The following SLK variants were observed in gnomAD, a reference collection of about 807,000 sequenced individuals.
SLK encodes STE20-like serine/threonine-protein kinase.
SLK carries 67 observed loss-of-function variants against 147.7 expected under a neutral mutation model. The ratio of observed to expected loss-of-function variants is 0.45; its 90% confidence interval spans 0.37 to 0.56. The LOEUF is 0.56. Ranked by LOEUF, SLK falls within the 20% of genes least tolerant of loss-of-function variation. The pLI is 0.00. For missense variants in SLK, 1,136 were observed against 1,438.8 expected (o/e 0.79, Z 3.41); for synonymous variants, 441 against 475.0 (o/e 0.93, Z 0.93).
chr10:103,968,311 AT>A (rs2134433824), intron 1 of SLK, among the ~76,000 whole-genome samples: 1 of 152,312 alleles, frequency 6.6e-6, no homozygotes, highest in East Asian at 1.9e-4. Flanking sequence ...AGGGTCCAGT[AT>A]ATATATTTGG....
At chr10:104,001,718 A>G in intron 8 of SLK, 146 bp downstream of exon 8, 1 of 852,272 alleles carries the variant, frequency 1.2e-6, no homozygotes, top group East Asian at 2.5e-5. Context: ...TCGTCGCTGC[A>G]CATTTTTGTT....
At chr10:104,019,349 C>T (rs1411323115) in intron 15 of SLK, among the ~76,000 whole-genome samples, 1 of 152,108 alleles carries the variant, frequency 6.6e-6, no homozygotes, top group Non-Finnish European at 1.5e-5. Flanking sequence ...AGTCATAGCT[C>T]ACTTAACCTC....
rs991880682 is a variant in SLK, at chr10:104,010,726, A to G, written c.2785-90A>G. On this transcript the variant is annotated intron_variant, in intron 12 of 18. Transcript: ENST00000369755. ...TTGAAAGGAACTTTTTAACAACTTTAATATTTGACTTGTAGCTTATCTGCT... is the reference window on the plus strand; with the variant it reads ...TTGAAAGGAACTTTTTAACAACTTTGATATTTGACTTGTAGCTTATCTGCT... 3.7e-5 allele frequency: 28 copies of G among 747,056 alleles called. No individual in the cohort carries two copies. The East Asian group carries it at 5.6e-4, about 15-fold the overall frequency. 46.3% of individuals were successfully genotyped at this position (747,056 alleles called of 1,614,324 possible).
At chr10:103,993,681 A>T (rs1844129132) in intron 4 of SLK, among the ~76,000 whole-genome samples, 1 of 152,188 alleles carries the variant, frequency 6.6e-6, no homozygotes, top group Non-Finnish European at 1.5e-5. Flanking sequence ...TGTTACCTTC[A>T]TAAGAAGAAT....
chr10:103,970,553 GT>G (rs1272632558), intron 1 of SLK, among the ~76,000 whole-genome samples: 1 of 152,152 alleles, frequency 6.6e-6, no homozygotes, highest in African/African-American at 2.4e-5. Flanking sequence ...TAGGGTATGA[GT>G]TTTTTAAAAA....
chr10:103,990,053 A>G lies in SLK; in HGVS notation c.151-622A>G, dbSNP rs75728726. Among the ~76,000 whole-genome samples, 756 of 152,352 alleles carry G rather than the reference A, an allele frequency of 5.0e-3. 3 individuals are homozygous for G. Among genetic ancestry groups the G allele is most frequent in the African/African-American group, 0.018 (728 of 41,576 alleles). ...GAAAACATTAAGGAACTGTAAATAC[A>G]TATTACTAAGTGAAAGAAGCTAAAC... On this transcript the variant is annotated intron_variant, in intron 1 of 18. Coordinates refer to ENST00000369755, the MANE Select transcript of SLK (RefSeq NM_014720.4).
Position 104,019,843 on chromosome 10 carries a change from C to T in SLK, c.3242C>T (p.Thr1081Ile). ...AAGATTCAGCGCAGTGAAGCCAAGA[C>T]TCGAATGGCCATGTTTAAGAAGAGT... is the stretch of plus-strand genomic sequence containing the variant. ...LPKIQRSEAK[T>I]RMAMFKKSLR... The change falls in exon 16 of 19, where the codon ACT becomes ATT. Residue 1081 changes from threonine (T) to isoleucine (I), a missense_variant. Thr to Ile is a moderately conservative substitution (Grantham distance 89, BLOSUM62 -1). Coordinates refer to ENST00000369755, the MANE Select transcript of SLK (RefSeq NM_014720.4). The T allele has an allele frequency of 6.2e-7, 1 of 1,614,004 alleles. No homozygotes were observed. The highest frequency in any genetic ancestry group is 8.5e-7 in the Non-Finnish European group (1 of 1,179,892).
intron 3 of SLK, 73 bp from the exon 4 acceptor site, chr10:103,992,911 G>A: frequency 9.3e-7 from 1 of 1,074,290 alleles, no homozygotes; most frequent in Non-Finnish European, 1.4e-6. Flanking sequence ...GATATATACA[G>A]AAAGGTATAT....
In SLK at chr10:104,027,447, C is replaced by G. The variant is rs1304257991; in HGVS notation, c.*1727C>G. On this transcript the variant is annotated 3_prime_UTR_variant, in exon 19 of 19. Coordinates refer to ENST00000369755, the MANE Select transcript of SLK (RefSeq NM_014720.4). ...CATGAATGTGTTACTGTATACAAAA[C>G]TCTTAATGCTTTATTCTCAAATGCT... The G allele has an allele frequency of 6.6e-6, 1 of 152,394 alleles. No individual in the cohort carries two copies. Among genetic ancestry groups the G allele is most frequent in the Non-Finnish European group, 1.5e-5 (1 of 68,016 alleles). The allele number at this position is 152,394 out of a possible 1,614,324, so 9.4% of individuals were successfully genotyped here.
At chr10:103,973,139 C>T (rs933982048) in intron 1 of SLK, among the ~76,000 whole-genome samples, 1 of 152,140 alleles carries the variant, frequency 6.6e-6, no homozygotes, top group Non-Finnish European at 1.5e-5. Flanking sequence ...ATATTATCTT[C>T]TAAAAGCTTT....
rs1489864715 is a variant in SLK, at chr10:104,016,330, A to AT, written c.2878-1830_2878-1829insT. ...CAAGACTCTCTTTCAAAAAAAAAAA[A>AT]GAAAAATTTTACAATTGAAATTAGA... On this transcript the variant is annotated intron_variant, in intron 13 of 18. Coordinates refer to ENST00000369755, the MANE Select transcript of SLK (RefSeq NM_014720.4). Among the ~76,000 whole-genome samples, 4 of 152,068 alleles carry AT rather than the reference A, an allele frequency of 2.6e-5. No individual in the cohort carries two copies. The East Asian group carries it at 7.7e-4, about 29-fold the overall frequency.
intron 13 of SLK, among the ~76,000 whole-genome samples, chr10:104,012,531 T>G (rs183840619): frequency 1.9e-3 from 287 of 152,328 alleles, no homozygotes; most frequent in Non-Finnish European, 2.2e-3. Context: ...CTGAGTTAAT[T>G]ATCCTTGAGG....
intron 7 of SLK, 96 bp from the exon 8 acceptor site, chr10:104,001,348 A>G (rs1294858704): frequency 3.1e-6 from 3 of 967,096 alleles, no homozygotes; most frequent in Non-Finnish European, 4.7e-6. Context: ...CCACATGTTC[A>G]TATTTTTTAC....
In SLK at chr10:104,018,187, C is replaced by T. The variant is rs756586446; in HGVS notation, c.2905C>T (p.Gln969Ter). 1 of 1,605,982 alleles carries T rather than the reference C, an allele frequency of 6.2e-7. No homozygotes were observed. Among genetic ancestry groups the T allele is most frequent in the Non-Finnish European group, 8.5e-7 (1 of 1,177,432 alleles). Residue 969 changes from glutamine to a stop codon, truncating the protein, a stop_gained, in exon 14 of 19, where the codon CAA (glutamine) becomes TAA (stop). Transcript: ENST00000369755. LOFTEE classifies it high-confidence loss of function. ...QEQEFVQKQQ[Q>*]ELDGSLKKII... The stretch of plus-strand genomic sequence containing the variant: ...ACAAGAGTTTGTTCAGAAACAACAG[C>T]AAGAATTAGATGGCTCTCTGAAAAA...
intron 8 of SLK, among the ~76,000 whole-genome samples, 175 bp downstream of exon 8, chr10:104,001,747 A>T (rs994157353): frequency 3.3e-5 from 5 of 151,836 alleles, no homozygotes; most frequent in African/African-American, 1.2e-4. Flanking sequence ...CTTTTTTTTG[A>T]GATGGAGTCT....
At chr10:103,995,773 A>G (rs937819979) in intron 4 of SLK, among the ~76,000 whole-genome samples, 6 of 152,194 alleles carry the variant, frequency 3.9e-5, no homozygotes, top group African/African-American at 1.2e-4. Context: ...AGTAGAATAT[A>G]GTATTTCAAG....
At chr10:103,987,226 TGG>T (rs1326541891) in intron 1 of SLK, among the ~76,000 whole-genome samples, 1 of 152,188 alleles carries the variant, frequency 6.6e-6, no homozygotes, top group Non-Finnish European at 1.5e-5. Flanking sequence ...ATATCATTGT[TGG>T]TATAATCAAT....
intron 1 of SLK, among the ~76,000 whole-genome samples, chr10:103,980,093 T>A (rs942022116): frequency 5.3e-5 from 8 of 152,208 alleles, no homozygotes; most frequent in African/African-American, 1.7e-4. Context: ...CCCAGCACCA[T>A]GTACTTTAAA....
chr10:104,006,074 G>A (rs1329126120), intron 11 of SLK, 39 bp downstream of exon 11: 1 of 1,583,324 alleles, frequency 6.3e-7, no homozygotes, highest in East Asian at 2.3e-5. Context: ...ATCATTTTGT[G>A]TTAATAATGA....
Sources: gnomAD v4.1 joint callset for allele counts (sites outside exome capture counted in the v4.1 genomes callset) on GRCh38, gnomAD v4.1.1 for gene constraint, MANE v1.5 for transcripts, NCBI Gene and HGNC (gene_info 2026-07-23, HGNC 2026-07-21) for gene names.